The following RNGTT variants were observed in gnomAD, a reference collection of about 807,000 sequenced individuals.
RNGTT encodes the protein mRNA-capping enzyme.
RNGTT carries 33 observed loss-of-function variants against 79.3 expected under a neutral mutation model. That is an observed-to-expected ratio of 0.42 (90% CI 0.32 to 0.56). The LOEUF (loss-of-function observed/expected upper bound fraction) is 0.56, where lower values mean the gene tolerates loss of function less well. RNGTT is among the 20% of genes least tolerant of loss of function. The pLI is 0.17. For synonymous variants in RNGTT, 222 were observed against 235.9 expected (o/e 0.94, Z 0.54); for missense variants, 497 against 739.1 (o/e 0.67, Z 3.80).
intron 11 of RNGTT, among the ~76,000 whole-genome samples, chr6:88,807,041 T>A (rs1433562028): frequency 3.3e-5 from 5 of 152,094 alleles, no homozygotes; most frequent in African/African-American, 9.7e-5. Context: ...AGTTCATTGA[T>A]GAGAACACAT....
At chr6:88,867,548 A>T (rs1782214875) in intron 8 of RNGTT, among the ~76,000 whole-genome samples, 1 of 151,990 alleles carries the variant, frequency 6.6e-6, no homozygotes, top group Non-Finnish European at 1.5e-5. Flanking sequence ...AAAAAAAGCA[A>T]AAGAATTTTA....
chr6:88,868,134 CTT>C (rs1394862467), intron 8 of RNGTT, among the ~76,000 whole-genome samples: 11 of 149,748 alleles, frequency 7.3e-5, no homozygotes, highest in African/African-American at 2.8e-4. Context: ...TTACCACACT[CTT>C]TACCTGATTT....
At chr6:88,805,738 C>T (rs1779932604) in intron 11 of RNGTT, among the ~76,000 whole-genome samples, 1 of 147,864 alleles carries the variant, frequency 6.8e-6, no homozygotes, top group African/African-American at 2.7e-5. Flanking sequence ...ACAGTCTTCA[C>T]AAGTCTGGCA....
At chr6:88,694,019 C>G (rs145327660) in intron 13 of RNGTT, among the ~76,000 whole-genome samples, 1 of 152,106 alleles carries the variant, frequency 6.6e-6, no homozygotes, top group African/African-American at 2.4e-5. Flanking sequence ...AAGTTGAAAC[C>G]TTCTCTTCTA....
At position 88,699,370 on chromosome 6, in the gene RNGTT, A is replaced by G. The variant is rs115289701; in HGVS notation, c.1440-20951T>C. Among the ~76,000 whole-genome samples, 924 of 152,286 alleles carry G rather than the reference A, an allele frequency of 6.1e-3. 9 individuals carry two copies. Among genetic ancestry groups the G allele is most frequent in the African/African-American group, 0.02 (848 of 41,544 alleles). ...TGTAGCATTATTCACAGTAGCCAAA[A>G]GGCAGAAACAACCCATATGCCCATC... is the stretch of plus-strand genomic sequence containing the variant. On this transcript the variant is annotated intron_variant, in intron 13 of 15. Coordinates refer to ENST00000369485, the MANE Select transcript of RNGTT (RefSeq NM_003800.5).
intron 13 of RNGTT, among the ~76,000 whole-genome samples, chr6:88,678,831 A>T (rs1425809899): frequency 6.6e-6 from 1 of 152,168 alleles, no homozygotes; most frequent in Non-Finnish European, 1.5e-5. Flanking sequence ...TGAGAATGAA[A>T]AATGTAGAAC....
At chr6:88,675,210 A>G (rs1450103148) in intron 14 of RNGTT, among the ~76,000 whole-genome samples, 1 of 152,202 alleles carries the variant, frequency 6.6e-6, no homozygotes, top group African/African-American at 2.4e-5. Context: ...TTGAATGCTA[A>G]TATTTTTTCA....
At chr6:88,747,739 CT>C (rs1272084858) in intron 13 of RNGTT, among the ~76,000 whole-genome samples, 4 of 152,216 alleles carry the variant, frequency 2.6e-5, no homozygotes, top group African/African-American at 9.6e-5. Flanking sequence ...TGTTTTCAAT[CT>C]TATCTAAACC....
chr6:88,927,453 G>A (rs1365131817), intron 4 of RNGTT, among the ~76,000 whole-genome samples: 1 of 151,986 alleles, frequency 6.6e-6, no homozygotes, highest in Non-Finnish European at 1.5e-5. Context: ...ACCTGAGGTT[G>A]GGAGTTCAAG....
At chr6:88,649,572 C>G (rs1326641803) in intron 14 of RNGTT, among the ~76,000 whole-genome samples, 2 of 152,088 alleles carry the variant, frequency 1.3e-5, no homozygotes, top group Non-Finnish European at 2.9e-5. Flanking sequence ...TGGCGGGCAC[C>G]TGTAGTCCCA....
chr6:88,649,654 G>A (rs981499140), intron 14 of RNGTT, among the ~76,000 whole-genome samples: 2 of 151,830 alleles, frequency 1.3e-5, no homozygotes, highest in African/African-American at 2.4e-5. Context: ...CCGAGATCGC[G>A]CCACTGCACT....
In RNGTT at chr6:88,839,964, T is replaced by C. The variant is rs1444039812; in HGVS notation, c.1269+4393A>G. On this transcript the variant is annotated intron_variant, in intron 11 of 15. Coordinates refer to ENST00000369485, the MANE Select transcript of RNGTT (RefSeq NM_003800.5). ...ACAAAGAGTTATAGAGCAATATTAATAAATTCCTAAAATCAGAATCATCTT... is the reference window on the plus strand; with the variant it reads ...ACAAAGAGTTATAGAGCAATATTAACAAATTCCTAAAATCAGAATCATCTT... 2.0e-5 allele frequency among the ~76,000 whole-genome samples: 3 copies of C among 152,220 alleles called. No homozygotes were observed. The East Asian group carries it at 5.8e-4, about 29-fold the overall frequency.
At chr6:88,927,800 C>A (rs976070076) in intron 4 of RNGTT, among the ~76,000 whole-genome samples, 1 of 150,512 alleles carries the variant, frequency 6.6e-6, no homozygotes, top group East Asian at 1.9e-4. Flanking sequence ...CTCCACTGCA[C>A]TCCAGCCTGG....
intron 1 of RNGTT, among the ~76,000 whole-genome samples, chr6:88,950,804 C>T (rs979433570): frequency 1.3e-5 from 2 of 151,988 alleles, no homozygotes; most frequent in African/African-American, 4.8e-5. Flanking sequence ...TGCATTCCAA[C>T]CTGGAGGACA....
chr6:88,832,919 G>GA (rs201979604), intron 11 of RNGTT, among the ~76,000 whole-genome samples: 5,738 of 152,224 alleles, frequency 0.038, 170 homozygotes, highest in African/African-American at 0.076. Flanking sequence ...AAAAAGTCAG[G>GA]AAACAACAGA....
intron 14 of RNGTT, among the ~76,000 whole-genome samples, chr6:88,675,841 C>A (rs538612170): frequency 2.6e-5 from 4 of 151,830 alleles, no homozygotes; most frequent in Non-Finnish European, 5.9e-5. Context: ...ATAAAAAATA[C>A]AAAATAGATA....
At chr6:88,903,081 C>T (rs1279009698) in intron 6 of RNGTT, among the ~76,000 whole-genome samples, 4 of 151,952 alleles carry the variant, frequency 2.6e-5, no homozygotes, top group Non-Finnish European at 5.9e-5. Flanking sequence ...ATAAAAGCAA[C>T]CATAAAGAAG....
At chr6:88,916,789 A>C (rs891218719) in intron 4 of RNGTT, among the ~76,000 whole-genome samples, 1 of 152,170 alleles carries the variant, frequency 6.6e-6, no homozygotes, top group African/African-American at 2.4e-5. Flanking sequence ...GGCCAAAGCA[A>C]CTCCATCTTG....
intron 1 of RNGTT, among the ~76,000 whole-genome samples, chr6:88,948,507 C>G (rs1785110052): frequency 6.8e-6 from 1 of 147,248 alleles, no homozygotes; most frequent in Non-Finnish European, 1.5e-5. Flanking sequence ...AGCCCCCCGC[C>G]CGGCCGGCCG....
Sources: gnomAD v4.1 joint callset for allele counts (sites outside exome capture counted in the v4.1 genomes callset) on GRCh38, gnomAD v4.1.1 for gene constraint, MANE v1.5 for transcripts, NCBI Gene and HGNC (gene_info 2026-07-23, HGNC 2026-07-21) for gene names.